The following CAPN7 variants were observed in gnomAD, a reference collection of about 807,000 sequenced individuals.
The protein encoded by CAPN7 is calpain 7, also known as calpain-7.
Under a neutral mutation model 115.2 loss-of-function variants are expected in CAPN7, and 72 were observed. The ratio of observed to expected loss-of-function variants is 0.63; its 90% CI spans 0.52 to 0.76. CAPN7 has a LOEUF of 0.76. Ranked by LOEUF, CAPN7 falls within the 30% of genes least tolerant of loss-of-function variation. The pLI, the probability that CAPN7 is intolerant of heterozygous loss-of-function variation, is 0.00. For synonymous variants in CAPN7, 344 were observed against 322.3 expected (o/e 1.07, Z -0.72); for missense variants, 905 against 971.5 (o/e 0.93, Z 0.91).
intron 2 of CAPN7, among the ~76,000 whole-genome samples, chr3:15,214,993 T>C (rs760114819): frequency 2.0e-5 from 3 of 152,222 alleles, no homozygotes; most frequent in Non-Finnish European, 4.4e-5. Context: ...CAAAGAATTA[T>C]CCAGCCCAAA....
intron 12 of CAPN7, among the ~76,000 whole-genome samples, chr3:15,238,078 T>C (rs923372809): frequency 3.8e-4 from 57 of 151,262 alleles, no homozygotes; most frequent in Admixed American, 1.1e-3. Context: ...TTGCTACTTA[T>C]ATTTTGAAGT....
At chr3:15,235,827 C>G (rs1415563976) in intron 12 of CAPN7, among the ~76,000 whole-genome samples, 1 of 152,056 alleles carries the variant, frequency 6.6e-6, no homozygotes, top group Non-Finnish European at 1.5e-5. Flanking sequence ...GTTGGGGACC[C>G]CTGCTCTAAA....
In CAPN7 at chr3:15,233,988, T is replaced by G; in HGVS notation, c.1286+15T>G. The G allele has an allele frequency of 7.3e-7, 1 of 1,366,528 alleles. No individual in the cohort carries two copies. Among genetic ancestry groups the G allele is most frequent in the East Asian group, 2.3e-5 (1 of 43,314 alleles). The allele number at this position is 1,366,528 out of a possible 1,614,324, so 84.7% of individuals were successfully genotyped here. A position where few individuals can be genotyped will look rare whatever the true frequency, so the allele number is the denominator to read the frequency against. On this transcript the variant is annotated intron_variant, in intron 11 of 20. Transcript: ENST00000253693. ...CTTTATCAAAGGTAAACATTTTTCT[T>G]TGTTTTATGTGTGTGGTAAATGTGG... is the stretch of plus-strand genomic sequence containing the variant.
At position 15,223,481 on chromosome 3, in the gene CAPN7, A is replaced by G. The variant is rs201692968; in HGVS notation, c.645A>G (p.Thr215=). 48 of 1,605,134 alleles carry G rather than the reference A, an allele frequency of 3.0e-5. No homozygotes were observed. Among genetic ancestry groups the G allele is most frequent in the Non-Finnish European group, 3.8e-5 (45 of 1,173,002 alleles). ...TTTTTCTCGTGTTTGATAGGACAAC[A>G]TCAAAAATAAATGGTATAGAATATG... ...TAEEIEVLRT[T]SKINGIEYVP... Residue 215 remains threonine (T), a synonymous_variant, in exon 6 of 21, where the codon ACA becomes ACG. Coordinates refer to ENST00000253693, the MANE Select transcript of CAPN7 (RefSeq NM_014296.3).
intron 19 of CAPN7, among the ~76,000 whole-genome samples, chr3:15,249,125 C>T (rs1232987884): frequency 6.6e-6 from 1 of 151,742 alleles, no homozygotes; most frequent in Non-Finnish European, 1.5e-5. Context: ...GTTAATAACC[C>T]ATTAGATACG....
chr3:15,219,709 ACAAGAATC>A (rs770632762), intron 4 of CAPN7, among the ~76,000 whole-genome samples: 27 of 152,344 alleles, frequency 1.8e-4, no homozygotes, highest in Admixed American at 3.9e-4. Context: ...CAGAGTTTTC[ACAAGAATC>A]CTGAAGCTCA....
At chr3:15,234,971 C>T in intron 11 of CAPN7, 54 bp from the exon 12 acceptor site, 2 of 1,528,750 alleles carry the variant, frequency 1.3e-6, no homozygotes, top group South Asian at 2.5e-5. Context: ...ATGGTGTGAT[C>T]TTAGATTACA....
chr3:15,212,001 C>G, intron 1 of CAPN7, 103 bp from the exon 2 acceptor site: 1 of 516,952 alleles, frequency 1.9e-6, no homozygotes, highest in East Asian at 3.3e-5. Flanking sequence ...TAAAGACATT[C>G]TTGTTTTGTC....
intron 6 of CAPN7, among the ~76,000 whole-genome samples, chr3:15,224,424 C>A (rs1694188966): frequency 6.6e-6 from 1 of 151,974 alleles, no homozygotes; most frequent in South Asian, 2.1e-4. Context: ...AGGCATGCAC[C>A]ATCACGCCCA....
chr3:15,241,648 T>G (rs528711456), intron 15 of CAPN7, 60 bp downstream of exon 15: 1 of 1,449,250 alleles, frequency 6.9e-7, no homozygotes, highest in African/African-American at 1.4e-5. Flanking sequence ...GTTAGAACAT[T>G]GTGAAAGACA....
intron 12 of CAPN7, among the ~76,000 whole-genome samples, chr3:15,239,166 G>C (rs1695190989): frequency 6.6e-6 from 1 of 152,170 alleles, no homozygotes. Context: ...GAAGCTTCTA[G>C]GGAATATAGC....
At chr3:15,218,311 A>G (rs1410636530) in intron 3 of CAPN7, among the ~76,000 whole-genome samples, 162 bp from the exon 4 acceptor site, 1 of 152,220 alleles carries the variant, frequency 6.6e-6, no homozygotes, top group Non-Finnish European at 1.5e-5. Flanking sequence ...TTTCAACACT[A>G]TTTTAAATGA....
chr3:15,219,927 A>C (rs1041581418), intron 4 of CAPN7, among the ~76,000 whole-genome samples: 5 of 152,166 alleles, frequency 3.3e-5, no homozygotes, highest in Non-Finnish European at 7.3e-5. Flanking sequence ...CTGGCCGGGC[A>C]CGGTGGCTCA....
At chr3:15,208,453 ATTTTTTTT>A (rs1218217326) in intron 1 of CAPN7, among the ~76,000 whole-genome samples, 7 of 126,156 alleles carry the variant, frequency 5.5e-5, no homozygotes, top group East Asian at 2.2e-4. Flanking sequence ...CACTTGGCTA[ATTTTTTTT>A]TTTTTTTTTT....
chr3:15,226,221 G>A (rs1046810999), intron 6 of CAPN7, among the ~76,000 whole-genome samples: 4 of 151,754 alleles, frequency 2.6e-5, no homozygotes, highest in African/African-American at 9.7e-5. Flanking sequence ...GATTACAGGC[G>A]CCCACCACAC....
chr3:15,206,761 C>T (rs899003312), intron 1 of CAPN7, among the ~76,000 whole-genome samples, 164 bp downstream of exon 1: 1 of 152,226 alleles, frequency 6.6e-6, no homozygotes, highest in Non-Finnish European at 1.5e-5. Context: ...AGCCCGAGTG[C>T]AGAGGCCGAC....
intron 9 of CAPN7, 28 bp from the exon 10 acceptor site, chr3:15,232,491 T>G: frequency 6.4e-7 from 1 of 1,573,532 alleles, no homozygotes; most frequent in Non-Finnish European, 8.6e-7. Context: ...TTTGTGCACC[T>G]AAGAAGGTTA....
At chr3:15,218,598 A>T in intron 4 of CAPN7, 58 bp downstream of exon 4, 1 of 1,190,554 alleles carries the variant, frequency 8.4e-7, no homozygotes, top group African/African-American at 1.5e-5. Flanking sequence ...ATTTAAACAA[A>T]TTTATCTAAA....
chr3:15,238,202 C>T (rs1235462435), intron 12 of CAPN7, among the ~76,000 whole-genome samples: 7 of 149,202 alleles, frequency 4.7e-5, no homozygotes, highest in African/African-American at 1.7e-4. Context: ...CAAGCTCCGC[C>T]TCCCAGGTTC....
Sources: allele counts gnomAD v4.1 joint callset (sites outside exome capture counted in the v4.1 genomes callset), GRCh38; gene constraint gnomAD v4.1.1; transcripts MANE v1.5; gene names NCBI Gene and HGNC (gene_info 2026-07-23, HGNC 2026-07-21).